Variants in CACNA1S observed in about 807,000 individuals in gnomAD.
CACNA1S encodes voltage-dependent L-type calcium channel subunit alpha-1S.
Under a neutral mutation model 207.4 loss-of-function variants are expected in CACNA1S, and 126 were observed. The observed-to-expected ratio is 0.61, with a 90% CI of 0.53 to 0.70. CACNA1S has a LOEUF of 0.70. Ranked by LOEUF, CACNA1S falls within the 30% of genes least tolerant of loss-of-function variation. CACNA1S has a pLI of 0.00. For missense variants in CACNA1S, 2,349 were observed against 2,422.8 expected (o/e 0.97, Z 0.64); for synonymous variants, 960 against 932.7 (o/e 1.03, Z -0.53).
At chr1:201,093,757 C>A in intron 3 of CACNA1S, 125 bp downstream of exon 3, 1 of 1,209,400 alleles carries the variant, frequency 8.3e-7, no homozygotes, top group Non-Finnish European at 1.2e-6. Context: ...ACAGAGGCTG[C>A]TCCATGCAGT....
At chr1:201,051,294 G>C in intron 32 of CACNA1S, 151 bp from the exon 33 acceptor site, 1 of 738,302 alleles carries the variant, frequency 1.4e-6, no homozygotes, top group Non-Finnish European at 2.4e-6. Context: ...TCACTGTGTA[G>C]CTCAGTGTGA....
rs528260793 is a variant in CACNA1S at position 201,099,437 on chromosome 1, C to T, written c.259-5416G>A. 2.0e-5 allele frequency among the ~76,000 whole-genome samples: 3 copies of T among 152,348 alleles called. No individual in the cohort carries two copies. In the South Asian group the frequency reaches 6.2e-4, roughly 32 times the overall value. Reference sequence around the variant, plus strand: ...AGGGCTCCCTGGGAATGTGCACTGCCACCACATGACTGCCTGTCACCTGGG... The same window carrying T: ...AGGGCTCCCTGGGAATGTGCACTGCTACCACATGACTGCCTGTCACCTGGG... On this transcript the variant is annotated intron_variant, in intron 2 of 43. Coordinates refer to ENST00000362061, the MANE Select transcript of CACNA1S (RefSeq NM_000069.3).
Position 201,053,290 on chromosome 1 carries a change from G to A in CACNA1S, c.3796-16C>T, listed in dbSNP as rs1660722054. 6.2e-7 allele frequency: 1 copy of A among 1,614,004 alleles called. No individual in the cohort carries two copies. Among genetic ancestry groups the A allele is most frequent in the Admixed American group, 1.7e-5 (1 of 60,012 alleles). ...AGGGTAGGGCCTGCAGGGCGGGCGG[G>A]AGCGCCAGTCAGTGTCTTAGGGCTC... On this transcript the variant is annotated splice_polypyrimidine_tract_variant and intron_variant, in intron 30 of 43. Transcript: ENST00000362061. This position sits in a 1 kb window ranked among gnomAD's most constrained non-coding sequence, Gnocchi z 5.1.
intron 2 of CACNA1S, among the ~76,000 whole-genome samples, chr1:201,097,481 C>T (rs1475991843): frequency 6.6e-6 from 1 of 152,160 alleles, no homozygotes; most frequent in Non-Finnish European, 1.5e-5. Context: ...CCAGAGTGTC[C>T]CTGAGGCCCA....
At chr1:201,078,932 C>A (rs2102145746) in intron 10 of CACNA1S, among the ~76,000 whole-genome samples, 1 of 152,054 alleles carries the variant, frequency 6.6e-6, no homozygotes, top group East Asian at 1.9e-4. Flanking sequence ...ACCAGCCTGA[C>A]CAACATGGTA....
chr1:201,073,484 TGAAGG>T, intron 15 of CACNA1S, 60 bp downstream of exon 15: 1 of 1,308,812 alleles, frequency 7.6e-7, no homozygotes, highest in South Asian at 1.2e-5. Context: ...CCCTGTGGTA[TGAAGG>T]GAACCATGGA....
At chr1:201,078,130 G>A (rs747323713) in intron 10 of CACNA1S, 26 bp from the exon 11 acceptor site, 2 of 1,541,436 alleles carry the variant, frequency 1.3e-6, no homozygotes, top group South Asian at 1.1e-5. Flanking sequence ...CACAGCCCCG[G>A]CATCACTCTC....
intron 5 of CACNA1S, among the ~76,000 whole-genome samples, 153 bp downstream of exon 5, chr1:201,091,487 C>T (rs904924829): frequency 3.9e-5 from 6 of 152,186 alleles, no homozygotes; most frequent in African/African-American, 9.7e-5. Flanking sequence ...GCCCTTCCTC[C>T]AAGTCCCCCT....
chr1:201,087,781 C>T, intron 7 of CACNA1S, 45 bp downstream of exon 7: 2 of 1,311,564 alleles, frequency 1.5e-6, no homozygotes, highest in East Asian at 2.3e-5. Flanking sequence ...CTTCTCCCCT[C>T]CTCCTCTTTC....
intron 29 of CACNA1S, 116 bp downstream of exon 29, chr1:201,054,389 A>T: frequency 9.4e-7 from 1 of 1,063,282 alleles, no homozygotes; most frequent in Non-Finnish European, 1.5e-6. Flanking sequence ...TGCCCTGGGG[A>T]GGGAGCCCTG....
At position 201,083,337 on chromosome 1, in the gene CACNA1S, A is replaced by G. The variant is rs376591072; in HGVS notation, c.1233-15T>C. ...TCCAATGTCGGCTGAGGGAGGGGAC[A>G]GAGGATGGTCTACAGTGCTGTGCTG... On this transcript the variant is annotated splice_polypyrimidine_tract_variant and intron_variant, in intron 9 of 43. Transcript: ENST00000362061. 6.4e-5 allele frequency: 103 copies of G among 1,613,922 alleles called. No homozygotes were observed. Among genetic ancestry groups the G allele is most frequent in the Non-Finnish European group, 8.4e-5 (99 of 1,179,886 alleles).
At position 201,085,684 on chromosome 1, in the gene CACNA1S, G is replaced by A. The variant is rs571637443; in HGVS notation, c.1005-103C>T. 8.2e-5 allele frequency: 115 copies of A among 1,406,452 alleles called. No homozygotes were observed. The East Asian group carries it at 1.6e-3, about 20-fold the overall frequency. The allele number at this position is 1,406,452 out of a possible 1,614,324, so 87.1% of individuals were successfully genotyped here. ...GACAAGCCCATTCTGTGACTGGAGC[G>A]CTCCTTTTTCTGGCCCCGGGGTGTT... On this transcript the variant is annotated intron_variant, in intron 7 of 43. Transcript: ENST00000362061.
In CACNA1S at chr1:201,083,190, G is replaced by A; in HGVS notation, c.1365C>T (p.Asn455=). Residue 455 remains asparagine (N), a synonymous_variant, in exon 10 of 44, where the codon AAC becomes AAT. Transcript: ENST00000362061. The part of the protein sequence containing the change: ...NTLSIASEHH[N]QPLWLTRLQD... ...GCAAACGGGTCAGCCAGAGAGGCTG[G>A]TTGTGGTGCTCTGAGGCGATAGACA... 1 of 1,614,220 alleles carries A rather than the reference G, an allele frequency of 6.2e-7. No individual in the cohort carries two copies. The highest frequency in any genetic ancestry group is 8.5e-7 in the Non-Finnish European group (1 of 1,180,048).
rs1661687894 is a variant in CACNA1S, at chr1:201,077,882, G to A, written c.1616C>T (p.Thr539Ile). ...GCCAGCCGACCCCGGCACTCACTTG[G>A]TGATCTTGAAGATCCTCAGGAGGCG... Reference protein sequence around the residue: ...CIRLLRIFKITKYWTSLSNLV... With the variant: ...CIRLLRIFKIIKYWTSLSNLV... Residue 539 changes from threonine (T) to isoleucine (I), a missense_variant, in exon 11 of 44, where the codon ACC (threonine) becomes ATC (isoleucine). Transcript: ENST00000362061. The A allele has an allele frequency of 2.5e-6, 4 of 1,612,840 alleles. No homozygotes were observed. The highest frequency in any genetic ancestry group is 3.4e-6 in the Non-Finnish European group (4 of 1,178,878).
intron 8 of CACNA1S, 145 bp from the exon 9 acceptor site, chr1:201,085,176 T>C (rs1661993150): frequency 1.3e-6 from 1 of 758,536 alleles, no homozygotes; most frequent in Non-Finnish European, 2.3e-6. Context: ...CTTCGTGCTT[T>C]CCAGAGACTG....
chr1:201,053,830 A>G lies in CACNA1S; in HGVS notation c.3667-243T>C, dbSNP rs1660741415. Among the ~76,000 whole-genome samples the G allele has an allele frequency of 6.6e-6, 1 of 152,122 alleles. No homozygotes were observed. The highest frequency in any genetic ancestry group is 1.5e-5 in the Non-Finnish European group (1 of 67,998). ...GGCACCAGGCAGCGTGGTGAAGCCC[A>G]CACTTGGGAGCAGTGGCAGGGATTT... On this transcript the variant is annotated intron_variant, in intron 29 of 43. Transcript: ENST00000362061. This position sits in a 1 kb window ranked among gnomAD's most constrained non-coding sequence, Gnocchi z 5.1.
chr1:201,053,120 G>T lies in CACNA1S; in HGVS notation c.3861+89C>A. The T allele has an allele frequency of 7.0e-7, 1 of 1,435,422 alleles. No homozygotes were observed. 88.9% of individuals were successfully genotyped at this position (1,435,422 alleles called of 1,614,324 possible). On this transcript the variant is annotated intron_variant, in intron 31 of 43. Coordinates refer to ENST00000362061, the MANE Select transcript of CACNA1S (RefSeq NM_000069.3). The surrounding 1 kb of genome is among the most constrained non-coding windows in gnomAD (Gnocchi z 5.1). Reference sequence around the variant, plus strand: ...GCAGGGAGGGCGGAGGGTCCAGCCCGTGTGCTGCTCAGGCTCCTCAGGGTC... The same window carrying T: ...GCAGGGAGGGCGGAGGGTCCAGCCCTTGTGCTGCTCAGGCTCCTCAGGGTC...
chr1:201,101,284 G>T (rs1042796627), intron 2 of CACNA1S, among the ~76,000 whole-genome samples: 2 of 152,152 alleles, frequency 1.3e-5, no homozygotes, highest in East Asian at 3.8e-4. Flanking sequence ...GGTTCTCTGG[G>T]GTTCCATCCC....
intron 4 of CACNA1S, 43 bp downstream of exon 4, chr1:201,091,929 G>A (rs1484808274): frequency 6.2e-7 from 1 of 1,613,024 alleles, no homozygotes; most frequent in Non-Finnish European, 8.5e-7. Context: ...AAGGGAACAG[G>A]AAGGGAGAGG....
Sources: gnomAD v4.1 joint callset for allele counts (sites outside exome capture counted in the v4.1 genomes callset) on GRCh38, gnomAD v4.1.1 for gene constraint, Gnocchi (gnomAD v3.1) non-coding constraint, MANE v1.5 for transcripts, NCBI Gene and HGNC (gene_info 2026-07-23, HGNC 2026-07-21) for gene names.